Variants in ECM2 observed in about 807,000 individuals in gnomAD.
ECM2 encodes extracellular matrix protein 2, female organ and adipocyte specific.
ECM2 carries 57 observed loss-of-function variants against 67.5 expected under a neutral mutation model. The ratio of observed to expected loss-of-function variants is 0.84; its 90% confidence interval spans 0.68 to 1.05. The LOEUF is 1.05. Among genes scored for constraint, ECM2 ranks in the 50% least tolerant of loss-of-function variants. ECM2 has a pLI of 0.00. For missense variants in ECM2, 741 were observed against 822.8 expected (o/e 0.90, Z 1.22); for synonymous variants, 258 against 294.5 (o/e 0.88, Z 1.27).
intron 7 of ECM2, among the ~76,000 whole-genome samples, chr9:92,502,908 A>G (rs1846777592): frequency 6.6e-6 from 1 of 150,472 alleles, no homozygotes; most frequent in Admixed American, 6.6e-5. Context: ...CCCAGGCTCA[A>G]GTGATCCTAC....
At position 92,496,166 on chromosome 9, in the gene ECM2, G is replaced by C; in HGVS notation, c.*149C>G. 1 of 1,353,760 alleles carries C rather than the reference G, an allele frequency of 7.4e-7. No homozygotes were observed. Among genetic ancestry groups the C allele is most frequent in the Non-Finnish European group, 9.4e-7 (1 of 1,058,972 alleles). 83.9% of individuals were successfully genotyped at this position (1,353,760 alleles called of 1,614,324 possible). A position where few individuals can be genotyped will look rare whatever the true frequency, so the allele number is the denominator to read the frequency against. The stretch of plus-strand genomic sequence containing the variant: ...AGACTATACCTTTTAGGTATATTTT[G>C]GTTGTTCATCTGTGTGTTAGTGAAT... On this transcript the variant is annotated 3_prime_UTR_variant, in exon 10 of 10. Coordinates refer to ENST00000344604, the MANE Select transcript of ECM2 (RefSeq NM_001393.4).
chr9:92,494,060 G>C (rs745639353), downstream of ECM2: 8 of 1,595,452 alleles, frequency 5.0e-6, no homozygotes, highest in South Asian at 8.9e-5. Flanking sequence ...TTACTTGTCT[G>C]TTTGATTTCC....
intron 4 of ECM2, among the ~76,000 whole-genome samples, chr9:92,513,022 G>T (rs181974470): frequency 6.6e-6 from 1 of 152,204 alleles, no homozygotes; most frequent in Non-Finnish European, 1.5e-5. Context: ...CACTGGCAGT[G>T]TGCTGTCACA....
upstream of ECM2, among the ~76,000 whole-genome samples, chr9:92,538,080 C>T (rs561662274): frequency 6.6e-6 from 1 of 152,254 alleles, no homozygotes; most frequent in African/African-American, 2.4e-5. Flanking sequence ...TACCATTTCA[C>T]CTCTAGGAAC....
In ECM2 at chr9:92,528,241, G is replaced by A. The variant is rs556036053; in HGVS notation, c.-27-5348C>T. ...CAGTCCAGGCCAGTGATCCCTGAAAGGGGATGCAAATCAAATGCCCGGAGA... is the reference window on the plus strand; with the variant it reads ...CAGTCCAGGCCAGTGATCCCTGAAAAGGGATGCAAATCAAATGCCCGGAGA... On this transcript the variant is annotated intron_variant, in intron 1 of 9. Coordinates refer to ENST00000344604, the MANE Select transcript of ECM2 (RefSeq NM_001393.4). 1.8e-4 allele frequency among the ~76,000 whole-genome samples: 27 copies of A among 152,304 alleles called. No homozygotes were observed. In the East Asian group the frequency reaches 5.0e-3, roughly 28 times the overall value.
intron 1 of ECM2, among the ~76,000 whole-genome samples, chr9:92,526,777 T>A (rs1305429039): frequency 6.6e-6 from 1 of 151,996 alleles, no homozygotes; most frequent in Non-Finnish European, 1.5e-5. Flanking sequence ...ATTGAAGAAA[T>A]AAAAAAACTT....
At chr9:92,546,562 C>T in the ECM2 span, among the ~76,000 whole-genome samples, 1 of 152,068 alleles carries the variant, frequency 6.6e-6, no homozygotes, top group Admixed American at 6.6e-5. Flanking sequence ...CAGCTTCACT[C>T]CTGAGCCAGC....
At chr9:92,500,260 G>A (rs570160116) in intron 9 of ECM2, among the ~76,000 whole-genome samples, 1 of 152,176 alleles carries the variant, frequency 6.6e-6, no homozygotes, top group South Asian at 2.1e-4. Context: ...CCGGCTCACT[G>A]CAACCTCTGC....
In ECM2 at chr9:92,514,665, C is replaced by G; in HGVS notation, c.1020G>C (p.Leu340=). The G allele has an allele frequency of 6.2e-7, 1 of 1,602,026 alleles. No homozygotes were observed. Among genetic ancestry groups the G allele is most frequent in the Non-Finnish European group, 8.5e-7 (1 of 1,172,532 alleles). ...INAMLTQIPP[L]TAPQITSLEL... Reference sequence around the variant, plus strand: ...CCAGACTTGTTATCTGTGGTGCTGTCAGCGGTGGTATCTGGGTAAGCATGG... The same window carrying G: ...CCAGACTTGTTATCTGTGGTGCTGTGAGCGGTGGTATCTGGGTAAGCATGG... Residue 340 remains leucine, a synonymous_variant, in exon 4 of 10, where the codon CTG becomes CTC. Coordinates refer to ENST00000344604, the MANE Select transcript of ECM2 (RefSeq NM_001393.4).
chr9:92,532,021 TTTTTTTTATTTTA>T lies in ECM2; in HGVS notation c.-28+3899_-28+3911del, dbSNP rs1471224726. On this transcript the variant is annotated intron_variant, in intron 1 of 9. Coordinates refer to ENST00000344604, the MANE Select transcript of ECM2 (RefSeq NM_001393.4). ...TTTTCTTTTTTTATTTAATGTTTTT[TTTTTTTTATTTTA>T]TTTTTTTTTTGAGATGAGGTCTCAC... is the stretch of plus-strand genomic sequence containing the variant. 1.0e-4 allele frequency among the ~76,000 whole-genome samples: 13 copies of T among 127,226 alleles called. 4 individuals are homozygous for T. Among genetic ancestry groups the T allele is most frequent in the Admixed American group, 1.5e-4 (2 of 13,746 alleles). The allele number at this position is 127,226 out of a possible 152,430, so 83.5% of individuals were successfully genotyped here. A position where few individuals can be genotyped will look rare whatever the true frequency, so the allele number is the denominator to read the frequency against.
At chr9:92,535,149 G>A (rs1026976998) in intron 1 of ECM2, among the ~76,000 whole-genome samples, 1 of 131,838 alleles carries the variant, frequency 7.6e-6, no homozygotes, top group Admixed American at 7.5e-5. Flanking sequence ...AAATAGATAG[G>A]CACAGAAATA....
intron 7 of ECM2, 83 bp from the exon 8 acceptor site, chr9:92,502,735 G>T: frequency 6.2e-6 from 7 of 1,123,784 alleles, no homozygotes; most frequent in Non-Finnish European, 8.6e-6. Flanking sequence ...TAGTGACATA[G>T]ACTATTATCA....
intron 1 of ECM2, among the ~76,000 whole-genome samples, chr9:92,534,656 A>G (rs2131296313): frequency 6.6e-6 from 1 of 152,310 alleles, no homozygotes; most frequent in East Asian, 1.9e-4. Flanking sequence ...TTGGCACCTG[A>G]AATCATAAAA....
rs1032829011 is a variant in ECM2, at chr9:92,496,382, G to C, written c.2033C>G (p.Pro678Arg). The change falls in exon 10 of 10, where the codon CCA becomes CGA. Residue 678 changes from proline to arginine, a missense_variant. Physicochemically the swap from Pro to Arg is moderately radical, Grantham distance 103. Transcript: ENST00000344604. ...ENNYIKIREI[P>R]SYTFSCIRSY... ...TCTTATGCATGAAAATGTGTAAGAT[G>C]GTATTTCTCTAATTTTAATATAATT... 10 of 1,608,344 alleles carry C rather than the reference G, an allele frequency of 6.2e-6. No homozygotes were observed. Among genetic ancestry groups the C allele is most frequent in the Non-Finnish European group, 7.6e-6 (9 of 1,177,848 alleles).
Position 92,496,223 on chromosome 9 carries a change from T to A in ECM2, c.*92A>T, listed in dbSNP as rs1846337093. The stretch of plus-strand genomic sequence containing the variant: ...GACTAGCATATAATGATACTGAGTA[T>A]AACAGGAGGATTATGTCTCTCTTAT... On this transcript the variant is annotated 3_prime_UTR_variant, in exon 10 of 10. Coordinates refer to ENST00000344604, the MANE Select transcript of ECM2 (RefSeq NM_001393.4). 2 of 1,484,630 alleles carry A rather than the reference T, an allele frequency of 1.3e-6. No homozygotes were observed. The highest frequency in any genetic ancestry group is 1.8e-6 in the Non-Finnish European group (2 of 1,129,166). The allele number at this position is 1,484,630 out of a possible 1,614,324, so 92.0% of individuals were successfully genotyped here.
In ECM2 at chr9:92,510,365, A is replaced by G. The variant is rs541649385; in HGVS notation, c.1171-331T>C. On this transcript the variant is annotated intron_variant, in intron 5 of 9. Coordinates refer to ENST00000344604, the MANE Select transcript of ECM2 (RefSeq NM_001393.4). ...CTAGATCTTAGGTTTCCACCTTTACAGCAATAGACAGAAATTTTATGAAAT... is the reference window on the plus strand; with the variant it reads ...CTAGATCTTAGGTTTCCACCTTTACGGCAATAGACAGAAATTTTATGAAAT... 3.3e-5 allele frequency among the ~76,000 whole-genome samples: 5 copies of G among 152,380 alleles called. No homozygotes were observed. The South Asian group carries it at 1.0e-3, about 32-fold the overall frequency.
intron 6 of ECM2, among the ~76,000 whole-genome samples, chr9:92,508,703 A>G (rs1481070754): frequency 6.6e-6 from 1 of 152,094 alleles, no homozygotes; most frequent in Non-Finnish European, 1.5e-5. Flanking sequence ...GAAATTGAGT[A>G]TTTCCATAAC....
intron 3 of ECM2, 56 bp from the exon 4 acceptor site, chr9:92,515,259 A>G: frequency 7.1e-7 from 1 of 1,404,916 alleles, no homozygotes; most frequent in Non-Finnish European, 9.3e-7. Context: ...TTAATAAAAG[A>G]AAAAACCATA....
chr9:92,555,825 C>T, the ECM2 span, among the ~76,000 whole-genome samples: 1 of 152,052 alleles, frequency 6.6e-6, no homozygotes, highest in Non-Finnish European at 1.5e-5. Flanking sequence ...TTTTATTTAT[C>T]TTTTCAAAGA....
Sources: gnomAD v4.1 joint callset for allele counts (sites outside exome capture counted in the v4.1 genomes callset) on GRCh38, gnomAD v4.1.1 for gene constraint, MANE v1.5 for transcripts, NCBI Gene and HGNC (gene_info 2026-07-23, HGNC 2026-07-21) for gene names.